CFAP54: variants seen among roughly 807,000 people sequenced by gnomAD.
The protein encoded by CFAP54 is cilia and flagella associated protein 54.
A neutral mutation model predicts 370.4 loss-of-function variants in CFAP54; 290 were observed. That is an observed-to-expected ratio of 0.78 (90% CI 0.71 to 0.86). CFAP54 has a LOEUF of 0.86. CFAP54 is among the 40% of genes least tolerant of loss of function. The pLI is 0.00. For missense variants in CFAP54, 3,399 were observed against 3,528.7 expected (o/e 0.96, Z 0.93); for synonymous variants, 1,206 against 1,236.5 (o/e 0.98, Z 0.52).
chr12:96,523,476 G>C (rs1955342215), intron 8 of CFAP54, among the ~76,000 whole-genome samples: 1 of 151,994 alleles, frequency 6.6e-6, no homozygotes, highest in African/African-American at 2.4e-5. Flanking sequence ...TTTGGACATG[G>C]TACCTTTCCA....
At chr12:96,788,991 T>C (rs2136698521) in intron 62 of CFAP54, among the ~76,000 whole-genome samples, 1 of 152,334 alleles carries the variant, frequency 6.6e-6, no homozygotes, top group Middle Eastern at 3.4e-3. Context: ...GATTGGGATT[T>C]AAAAATGCTC....
At chr12:96,804,266 A>G (rs568928635) in intron 63 of CFAP54, among the ~76,000 whole-genome samples, 1 of 152,308 alleles carries the variant, frequency 6.6e-6, no homozygotes, top group East Asian at 1.9e-4. Context: ...CTTATTTAAG[A>G]TAGTACTGGA....
At position 96,507,118 on chromosome 12, in the gene CFAP54, T is replaced by C; in HGVS notation, c.739+19T>C. The stretch of plus-strand genomic sequence containing the variant: ...TTCAATGGTATATGCTGATGTATTT[T>C]ATTTTCCATTGTGTCTTTCAGAAAG... On this transcript the variant is annotated intron_variant, in intron 4 of 67. Transcript: ENST00000524981. The C allele has an allele frequency of 1.4e-6, 2 of 1,461,778 alleles. No individual in the cohort carries two copies. The highest frequency in any genetic ancestry group is 1.8e-6 in the Non-Finnish European group (2 of 1,111,936). 90.6% of individuals were successfully genotyped at this position (1,461,778 alleles called of 1,614,324 possible).
intron 17 of CFAP54, among the ~76,000 whole-genome samples, chr12:96,562,238 T>C (rs1000717079): frequency 4.6e-5 from 7 of 152,186 alleles, no homozygotes; most frequent in Non-Finnish European, 1.0e-4. Flanking sequence ...ATTAACAAAT[T>C]ACTTTCAAAA....
At position 96,784,664 on chromosome 12, in the gene CFAP54, C is replaced by T. The variant is rs1958612109; in HGVS notation, c.8282-53C>T. ...TTTTTTTCTGTTCATGATTGTTTTT[C>T]AAGGAAAGCATAATATAATATTGTA... On this transcript the variant is annotated intron_variant, in intron 60 of 67. Coordinates refer to ENST00000524981, the MANE Select transcript of CFAP54 (RefSeq NM_001306084.2). 4.3e-5 allele frequency: 54 copies of T among 1,249,388 alleles called. 1 individual carries two copies. In the South Asian group the frequency reaches 1.0e-3, roughly 24 times the overall value. 77.4% of individuals were successfully genotyped at this position (1,249,388 alleles called of 1,614,324 possible).
chr12:96,622,094 G>A (rs2136466649), intron 27 of CFAP54, among the ~76,000 whole-genome samples: 2 of 151,726 alleles, frequency 1.3e-5, no homozygotes, highest in Middle Eastern at 3.4e-3. Context: ...ATTGAATGTG[G>A]CAAATACATG....
intron 50 of CFAP54, among the ~76,000 whole-genome samples, chr12:96,730,099 A>C (rs1430461205): frequency 6.6e-6 from 1 of 152,192 alleles, no homozygotes; most frequent in Non-Finnish European, 1.5e-5. Context: ...GAGGCTAGCC[A>C]GGGGACTAGC....
At position 96,779,192 on chromosome 12, in the gene CFAP54, G is replaced by C. The variant is rs551798322; in HGVS notation, c.8282-5525G>C. Among the ~76,000 whole-genome samples the C allele has an allele frequency of 8.4e-4, 127 of 151,644 alleles. 1 individual carries two copies. The highest frequency in any genetic ancestry group is 1.3e-3 in the Non-Finnish European group (88 of 67,966). On this transcript the variant is annotated intron_variant, in intron 60 of 67. Transcript: ENST00000524981. ...GGAAACACCCATGTAACCACCACTA[G>C]GTCAAGAAATAGAATAAGACCAGCG...
At position 96,580,606 on chromosome 12, in the gene CFAP54, T is replaced by G. The variant is rs1592861678; in HGVS notation, c.2806T>G (p.Tyr936Asp). 1 of 1,519,766 alleles carries G rather than the reference T, an allele frequency of 6.6e-7. No homozygotes were observed. The highest frequency in any genetic ancestry group is 2.5e-5 in the East Asian group (1 of 40,226). The allele number at this position is 1,519,766 out of a possible 1,614,324, so 94.1% of individuals were successfully genotyped here. A position where few individuals can be genotyped will look rare whatever the true frequency, so the allele number is the denominator to read the frequency against. The change falls in exon 21 of 68, where the codon TAC (tyrosine) becomes GAC (aspartate). Residue 936 changes from tyrosine (Y) to aspartate (D), a missense_variant. By Grantham distance (160) the Tyr-to-Asp change is radical. Around this residue, in one of 3 missense-constraint regions of CFAP54, gnomAD observed 2,796 missense variants for 2,869.7 expected, o/e 0.97. Coordinates refer to ENST00000524981, the MANE Select transcript of CFAP54 (RefSeq NM_001306084.2). ...PFTSEVKVSWYCILGCKAEGS... is the reference protein window; with the variant it reads ...PFTSEVKVSWDCILGCKAEGS... ...TTTTTCTCGTCGGCAGGTCTCCTGG[T>G]ACTGCATTTTGGGTTGCAAAGCAGA...
chr12:96,797,789 G>C (rs1464678997), intron 63 of CFAP54, among the ~76,000 whole-genome samples: 5 of 151,858 alleles, frequency 3.3e-5, no homozygotes, highest in African/African-American at 1.2e-4. Context: ...TATGTTCTTG[G>C]ATATTTAAAA....
chr12:96,515,912 GTTTTTTT>G lies in CFAP54; in HGVS notation c.798+2883_798+2889del, dbSNP rs71437221. Among the ~76,000 whole-genome samples, 8 of 108,248 alleles carry G rather than the reference GTTTTTTT, an allele frequency of 7.4e-5. No homozygotes were observed. In the South Asian group the frequency reaches 9.5e-4, roughly 13 times the overall value. 71.0% of individuals were successfully genotyped at this position (108,248 alleles called of 152,430 possible). A position where few individuals can be genotyped will look rare whatever the true frequency, so the allele number is the denominator to read the frequency against. ...AGAAAGGTGCTGTCATTACCTCTATGTTTTTTTTTTTTTTTTTTTTTGATATGGAGTC... is the reference window on the plus strand; with the variant it reads ...AGAAAGGTGCTGTCATTACCTCTATGTTTTTTTTTTTTTTGATATGGAGTC... On this transcript the variant is annotated intron_variant, in intron 5 of 67. Coordinates refer to ENST00000524981, the MANE Select transcript of CFAP54 (RefSeq NM_001306084.2).
chr12:96,616,726 A>G (rs1477834760), intron 26 of CFAP54, among the ~76,000 whole-genome samples: 1 of 152,204 alleles, frequency 6.6e-6, no homozygotes, highest in Non-Finnish European at 1.5e-5. Flanking sequence ...ATCTTTTATC[A>G]TGGAGGATAT....
At chr12:96,681,379 T>C (rs1957269670) in intron 40 of CFAP54, among the ~76,000 whole-genome samples, 1 of 151,824 alleles carries the variant, frequency 6.6e-6, no homozygotes, top group South Asian at 2.1e-4. Context: ...CCTTTTTTTT[T>C]TTTTTTTGTC....
chr12:96,794,546 T>C (rs1170496662), intron 63 of CFAP54, among the ~76,000 whole-genome samples: 1 of 152,114 alleles, frequency 6.6e-6, no homozygotes, highest in Non-Finnish European at 1.5e-5. Context: ...CTTTCCATTG[T>C]ATTTTGCATT....
At chr12:96,511,364 G>T (rs528636333) in intron 4 of CFAP54, among the ~76,000 whole-genome samples, 9 of 152,202 alleles carry the variant, frequency 5.9e-5, no homozygotes, top group Middle Eastern at 3.4e-3. Flanking sequence ...TGTCACCCAG[G>T]CTGCAGTGCA....
intron 39 of CFAP54, among the ~76,000 whole-genome samples, chr12:96,674,285 G>T (rs970979253): frequency 6.6e-6 from 1 of 151,316 alleles, no homozygotes; most frequent in Admixed American, 6.6e-5. Flanking sequence ...GGAGTCATTG[G>T]CATTTCAGCT....
At chr12:96,662,856 GC>G (rs551526513) in intron 38 of CFAP54, among the ~76,000 whole-genome samples, 244 of 152,022 alleles carry the variant, frequency 1.6e-3, no homozygotes, top group African/African-American at 5.6e-3. Context: ...TCTCTGTGAG[GC>G]TATTCCACAC....
At chr12:96,729,517 C>T (rs1316516491) in intron 50 of CFAP54, among the ~76,000 whole-genome samples, 4 of 152,318 alleles carry the variant, frequency 2.6e-5, no homozygotes, top group East Asian at 3.9e-4. Context: ...TCTCCTGGTG[C>T]GCTGTTTCCT....
intron 36 of CFAP54, 147 bp downstream of exon 36, chr12:96,651,962 A>G (rs1199252452): frequency 1.3e-5 from 8 of 617,226 alleles, no homozygotes; most frequent in African/African-American, 1.3e-4. Context: ...TTTGTTTACA[A>G]TATATAACTT....
Sources: allele counts gnomAD v4.1 joint callset (sites outside exome capture counted in the v4.1 genomes callset), GRCh38; gene constraint gnomAD v4.1.1; regional missense constraint gnomAD v4.1.1; transcripts MANE v1.5; gene names NCBI Gene and HGNC (gene_info 2026-07-23, HGNC 2026-07-21).